NKD1: variants seen among roughly 807,000 people sequenced by gnomAD.
NKD1 encodes the protein protein naked cuticle homolog 1.
NKD1 carries 21 observed loss-of-function variants against 56.0 expected under a neutral mutation model. The observed-to-expected ratio is 0.38, with a 90% CI of 0.27 to 0.54. The LOEUF (loss-of-function observed/expected upper bound fraction) is 0.54, where lower values mean the gene tolerates loss of function less well. NKD1 is among the 20% of genes least tolerant of loss of function. The pLI is 0.82. For synonymous variants in NKD1, 263 were observed against 265.7 expected (o/e 0.99, Z 0.10); for missense variants, 578 against 642.7 (o/e 0.90, Z 1.09).
At position 50,548,761 on chromosome 16, in the gene NKD1, C is replaced by T; in HGVS notation, c.58+12C>T. ...GGAGAGCCCGGAAGGTAGGGGCGCG[C>T]GGGGCGCAGACCTCGGGGATGGACG... On this transcript the variant is annotated intron_variant, in intron 2 of 9. Coordinates refer to ENST00000268459, the MANE Select transcript of NKD1 (RefSeq NM_033119.5). 2 of 1,411,240 alleles carry T rather than the reference C, an allele frequency of 1.4e-6. No homozygotes were observed. The highest frequency in any genetic ancestry group is 3.0e-5 in the East Asian group (1 of 33,030). 87.4% of individuals were successfully genotyped at this position (1,411,240 alleles called of 1,614,324 possible).
Position 50,633,320 on chromosome 16 carries a change from T to A in NKD1, c.952T>A (p.Phe318Ile). The change falls in exon 10 of 10, where the codon TTC becomes ATC. Residue 318 changes from phenylalanine (F) to isoleucine (I), a missense_variant. Coordinates refer to ENST00000268459, the MANE Select transcript of NKD1 (RefSeq NM_033119.5). The surrounding 1 kb of genome is among the most constrained non-coding windows in gnomAD (Gnocchi z 4.9). ...GCCCCAAGGCGTGGACCCGGCCTCC[T>A]TCCACTTCCTTGACACCCCAATCGC... ...RKPQGVDPASFHFLDTPIAKV... is the reference protein window; with the variant it reads ...RKPQGVDPASIHFLDTPIAKV... The A allele has an allele frequency of 1.2e-6, 2 of 1,614,110 alleles. No homozygotes were observed. The highest frequency in any genetic ancestry group is 1.7e-6 in the Non-Finnish European group (2 of 1,179,978).
chr16:50,625,017 G>T (rs1248815977), intron 5 of NKD1, among the ~76,000 whole-genome samples: 1 of 152,138 alleles, frequency 6.6e-6, no homozygotes, highest in East Asian at 1.9e-4. Context: ...GCAGTGACAT[G>T]CCCAGGGTCA....
In NKD1 at chr16:50,548,765, G is replaced by A. The variant is rs910464618; in HGVS notation, c.58+16G>A. 7.1e-7 allele frequency: 1 copy of A among 1,405,646 alleles called. No individual in the cohort carries two copies. The highest frequency in any genetic ancestry group is 1.5e-5 in the African/African-American group (1 of 66,052). The allele number at this position is 1,405,646 out of a possible 1,614,324, so 87.1% of individuals were successfully genotyped here. A position where few individuals can be genotyped will look rare whatever the true frequency, so the allele number is the denominator to read the frequency against. On this transcript the variant is annotated intron_variant, in intron 2 of 9. Transcript: ENST00000268459. Reference sequence around the variant, plus strand: ...AGCCCGGAAGGTAGGGGCGCGCGGGGCGCAGACCTCGGGGATGGACGCGGG... The same window carrying A: ...AGCCCGGAAGGTAGGGGCGCGCGGGACGCAGACCTCGGGGATGGACGCGGG...
chr16:50,559,831 G>A (rs1210327444), intron 3 of NKD1, among the ~76,000 whole-genome samples: 1 of 152,200 alleles, frequency 6.6e-6, no homozygotes, highest in Non-Finnish European at 1.5e-5. Flanking sequence ...GTCCTGAGGA[G>A]GGGAGAGGCA....
intron 3 of NKD1, among the ~76,000 whole-genome samples, chr16:50,550,350 T>C (rs1960353112): frequency 6.6e-6 from 1 of 150,950 alleles, no homozygotes; most frequent in Admixed American, 6.7e-5. Context: ...TGATGTGACA[T>C]TTAATTTTTT....
intron 4 of NKD1, among the ~76,000 whole-genome samples, chr16:50,620,170 C>G (rs1169972268): frequency 6.6e-6 from 1 of 152,266 alleles, no homozygotes; most frequent in Non-Finnish European, 1.5e-5. Flanking sequence ...GCAAGGACAC[C>G]AGGGGAAGTG....
rs776208610 is a variant in NKD1 at position 50,633,511 on chromosome 16, C to T, written c.1143C>T (p.Ser381=). The change falls in exon 10 of 10, where the codon TCC becomes TCT. Residue 381 remains serine (S), a synonymous_variant. Coordinates refer to ENST00000268459, the MANE Select transcript of NKD1 (RefSeq NM_033119.5). The surrounding 1 kb of genome is among the most constrained non-coding windows in gnomAD (Gnocchi z 4.9). ...LGPAIPAVSP[S]AHLAASPALL... ...CCGCCATCCCTGCGGTGTCCCCCTC[C>T]GCCCACCTGGCTGCCAGCCCGGCCC... The T allele has an allele frequency of 1.6e-5, 26 of 1,610,536 alleles. No homozygotes were observed. The highest frequency in any genetic ancestry group is 6.7e-5 in the African/African-American group (5 of 75,012).
chr16:50,574,649 G>A, intron 3 of NKD1: 2 of 985,424 alleles, frequency 2.0e-6, no homozygotes, highest in Non-Finnish European at 2.4e-6. Flanking sequence ...GGCGTGCCAG[G>A]AGCCAGGGGG....
chr16:50,607,726 A>T (rs1961744848), intron 3 of NKD1: 1 of 154,114 alleles, frequency 6.5e-6, no homozygotes, highest in South Asian at 2.0e-4. Context: ...TGTTTAAAAG[A>T]ATCTTCTTTG....
chr16:50,570,912 C>G lies in NKD1; in HGVS notation c.192+21357C>G, dbSNP rs540809555. On this transcript the variant is annotated intron_variant, in intron 3 of 9. Coordinates refer to ENST00000268459, the MANE Select transcript of NKD1 (RefSeq NM_033119.5). ...GGTATTGGAGTGATGTAGCCCCCAC[C>G]CCAGCCATAGCAGCCCTGTGCCAGG... 5 of 985,404 alleles carry G rather than the reference C, an allele frequency of 5.1e-6. No homozygotes were observed. The African/African-American group carries it at 5.2e-5, about 10-fold the overall frequency. 61.0% of individuals were successfully genotyped at this position (985,404 alleles called of 1,614,324 possible). A position where few individuals can be genotyped will look rare whatever the true frequency, so the allele number is the denominator to read the frequency against.
At chr16:50,575,150 C>G in intron 3 of NKD1, 1 of 982,518 alleles carries the variant, frequency 1.0e-6, no homozygotes, top group African/African-American at 1.8e-5. Context: ...ATTAGATTCT[C>G]TACTGCCCTC....
rs570467656 is a variant in NKD1, at chr16:50,585,881, CT to C, written c.193-22412del. Among the ~76,000 whole-genome samples, 10 of 152,318 alleles carry C rather than the reference CT, an allele frequency of 6.6e-5. No homozygotes were observed. In the East Asian group the frequency reaches 1.5e-3, roughly 24 times the overall value. On this transcript the variant is annotated intron_variant, in intron 3 of 9. Coordinates refer to ENST00000268459, the MANE Select transcript of NKD1 (RefSeq NM_033119.5). ...TTTGTCATTTCATCGAGTCTGTGCC[CT>C]GTTTAACGGACATACTCAGTAAAGC...
intron 3 of NKD1, among the ~76,000 whole-genome samples, chr16:50,572,562 G>A (rs1434189940): frequency 2.0e-5 from 3 of 152,160 alleles, no homozygotes; most frequent in African/African-American, 4.8e-5. Context: ...GGGTAGTGGA[G>A]TTGTCTGCTC....
At chr16:50,575,512 C>T (rs1960975399) in intron 3 of NKD1, 1 of 254,720 alleles carries the variant, frequency 3.9e-6, no homozygotes, top group African/African-American at 2.3e-5. Flanking sequence ...GTGGGCCTCC[C>T]TTTCCAGGGC....
At position 50,548,430 on chromosome 16, in the gene NKD1, C is replaced by G. The variant is rs1357366497; in HGVS notation, c.-124C>G. Reference sequence around the variant, plus strand: ...GCGGCGACGGCGGCAGGAGCGCGTCCCGGCGCCGCCTCGGGCTCCGCTCGG... The same window carrying G: ...GCGGCGACGGCGGCAGGAGCGCGTCGCGGCGCCGCCTCGGGCTCCGCTCGG... On this transcript the variant is annotated 5_prime_UTR_variant, in exon 1 of 10. Coordinates refer to ENST00000268459, the MANE Select transcript of NKD1 (RefSeq NM_033119.5). 1.6e-6 allele frequency: 1 copy of G among 613,868 alleles called. No homozygotes were observed. Among genetic ancestry groups the G allele is most frequent in the African/African-American group, 2.0e-5 (1 of 50,818 alleles). 38.0% of individuals were successfully genotyped at this position (613,868 alleles called of 1,614,324 possible).
At chr16:50,566,708 A>G (rs1960766279) in intron 3 of NKD1, among the ~76,000 whole-genome samples, 1 of 152,382 alleles carries the variant, frequency 6.6e-6, no homozygotes, top group South Asian at 2.1e-4. Flanking sequence ...AGGACAGGGC[A>G]GCTAGGTAGC....
At chr16:50,574,920 G>A (rs1960959855) in intron 3 of NKD1, 1 of 985,238 alleles carries the variant, frequency 1.0e-6, no homozygotes, top group African/African-American at 1.7e-5. Flanking sequence ...GGAAGCCTTG[G>A]AAACTTTTTC....
At chr16:50,559,392 G>T (rs995328687) in intron 3 of NKD1, among the ~76,000 whole-genome samples, 5 of 152,116 alleles carry the variant, frequency 3.3e-5, no homozygotes, top group African/African-American at 1.2e-4. Context: ...AGAATAAATA[G>T]GAAATAGCTA....
At chr16:50,625,379 A>G (rs931733815) in intron 5 of NKD1, 106 bp from the exon 6 acceptor site, 1 of 779,164 alleles carries the variant, frequency 1.3e-6, no homozygotes, top group Non-Finnish European at 2.3e-6. Flanking sequence ...GGGAGGGCAG[A>G]GGACAGGTGG....
Sources: gnomAD v4.1 joint callset for allele counts (sites outside exome capture counted in the v4.1 genomes callset) on GRCh38, gnomAD v4.1.1 for gene constraint, Gnocchi (gnomAD v3.1) non-coding constraint, MANE v1.5 for transcripts, NCBI Gene and HGNC (gene_info 2026-07-23, HGNC 2026-07-21) for gene names.